The following EXOC4 variants were observed in gnomAD, a reference collection of about 807,000 sequenced individuals.
The protein encoded by EXOC4 is exocyst complex component 4, also known as SEC8-like 1.
EXOC4 carries 71 observed loss-of-function variants against 107.2 expected under a neutral mutation model. The ratio of observed to expected loss-of-function variants is 0.66; its 90% CI spans 0.55 to 0.81. The LOEUF is 0.81. Ranked by LOEUF, EXOC4 falls within the 30% of genes least tolerant of loss-of-function variation. The probability of loss-of-function intolerance (pLI) is 0.00; values close to 1 mark genes in which losing one functional copy is unlikely to be tolerated. For missense variants in EXOC4, 1,108 were observed against 1,189.6 expected (o/e 0.93, Z 1.01); for synonymous variants, 456 against 441.2 (o/e 1.03, Z -0.42).
rs1461392422 is a variant in EXOC4, at chr7:133,817,423, A to G, written c.1613A>G (p.Asn538Ser). Residue 538 changes from asparagine to serine, a missense_variant, in exon 11 of 18, where the codon AAT (asparagine) becomes AGT (serine). Asn to Ser is a conservative substitution (Grantham distance 46, BLOSUM62 1). Coordinates refer to ENST00000253861, the MANE Select transcript of EXOC4 (RefSeq NM_021807.4). The stretch of plus-strand genomic sequence containing the variant: ...GTGTACATCAAAAACATCTTTCTCA[A>G]TCAAGTCTTGGCTGAGATCAACAAG... ...LTVYIKNIFL[N>S]QVLAEINKEI... 6.2e-7 allele frequency: 1 copy of G among 1,613,932 alleles called. No homozygotes were observed. The highest frequency in any genetic ancestry group is 1.7e-5 in the Admixed American group (1 of 60,020).
At chr7:133,404,453 A>T (rs1438177099) in intron 7 of EXOC4, among the ~76,000 whole-genome samples, 1 of 151,852 alleles carries the variant, frequency 6.6e-6, no homozygotes, top group Non-Finnish European at 1.5e-5. Context: ...GACATGGCAC[A>T]CAAGGCCTTC....
At chr7:133,693,506 A>G (rs904053461) in intron 10 of EXOC4, among the ~76,000 whole-genome samples, 1 of 152,142 alleles carries the variant, frequency 6.6e-6, no homozygotes. Flanking sequence ...CCCAGGAACA[A>G]TACTTTGCAT....
At chr7:133,349,869 G>A (rs1795869758) in intron 5 of EXOC4, among the ~76,000 whole-genome samples, 2 of 151,562 alleles carry the variant, frequency 1.3e-5, no homozygotes, top group Non-Finnish European at 2.9e-5. Context: ...GATATTAATA[G>A]TAGCCATCCC....
chr7:133,630,918 A>G (rs1334389388), intron 10 of EXOC4, among the ~76,000 whole-genome samples: 1 of 152,186 alleles, frequency 6.6e-6, no homozygotes, highest in Non-Finnish European at 1.5e-5. Context: ...GTACTTTATG[A>G]GAGTGGAAAA....
At chr7:133,411,624 A>G (rs1797358004) in intron 7 of EXOC4, among the ~76,000 whole-genome samples, 1 of 152,176 alleles carries the variant, frequency 6.6e-6, no homozygotes, top group Non-Finnish European at 1.5e-5. Flanking sequence ...ATGTATCTGT[A>G]GATTTAATCT....
At chr7:133,674,651 G>A (rs1398413252) in intron 10 of EXOC4, among the ~76,000 whole-genome samples, 2 of 152,090 alleles carry the variant, frequency 1.3e-5, no homozygotes, top group African/African-American at 4.8e-5. Context: ...GAGCCTATTA[G>A]CAGCATAGAC....
chr7:133,435,253 CA>C (rs1797942355), intron 7 of EXOC4, among the ~76,000 whole-genome samples: 2 of 152,136 alleles, frequency 1.3e-5, no homozygotes, highest in South Asian at 4.2e-4. Flanking sequence ...AAGGCACGGA[CA>C]ACGTTCCATC....
chr7:133,821,354 T>C (rs1016231612), intron 11 of EXOC4, among the ~76,000 whole-genome samples: 1 of 152,214 alleles, frequency 6.6e-6, no homozygotes, highest in Non-Finnish European at 1.5e-5. Flanking sequence ...ACCCAGGCGA[T>C]GCAACCCTGG....
chr7:133,336,729 T>TTTTATTTTA (rs1563024194), intron 5 of EXOC4, among the ~76,000 whole-genome samples: 85 of 24,734 alleles, frequency 3.4e-3, no homozygotes, highest in African/African-American at 7.8e-3. Flanking sequence ...ATTTTATTTA[T>TTTTATTTTA]TTTATTTTAT....
intron 7 of EXOC4, among the ~76,000 whole-genome samples, chr7:133,377,210 TG>T (rs1796509436): frequency 6.6e-6 from 1 of 151,902 alleles, no homozygotes; most frequent in African/African-American, 2.4e-5. Context: ...AAAAATTAGC[TG>T]GGCGTGGTGG....
chr7:133,601,075 T>G (rs779933433), intron 9 of EXOC4, among the ~76,000 whole-genome samples: 1 of 152,214 alleles, frequency 6.6e-6, no homozygotes, highest in Non-Finnish European at 1.5e-5. Flanking sequence ...GTTGCCCAGC[T>G]TCCCCTTTGT....
intron 14 of EXOC4, among the ~76,000 whole-genome samples, chr7:133,945,268 G>A (rs1800523229): frequency 6.6e-6 from 1 of 152,060 alleles, no homozygotes; most frequent in African/African-American, 2.4e-5. Flanking sequence ...ATATCCCCAG[G>A]CAATTTTAAC....
intron 10 of EXOC4, among the ~76,000 whole-genome samples, chr7:133,644,171 T>G (rs2151027746): frequency 6.6e-6 from 1 of 152,354 alleles, no homozygotes; most frequent in African/African-American, 2.4e-5. Context: ...TTATATAAAT[T>G]AAGTAGGTAT....
intron 6 of EXOC4, among the ~76,000 whole-genome samples, chr7:133,365,538 T>G (rs1315811474): frequency 6.6e-6 from 1 of 152,194 alleles, no homozygotes; most frequent in Non-Finnish European, 1.5e-5. Flanking sequence ...CAGGCCCCAC[T>G]TCAGTATTCT....
At chr7:133,647,655 C>T (rs551175249) in intron 10 of EXOC4, among the ~76,000 whole-genome samples, 2 of 152,134 alleles carry the variant, frequency 1.3e-5, no homozygotes, top group African/African-American at 4.8e-5. Flanking sequence ...CTCAAAGGCT[C>T]GAGGACTCTT....
At chr7:133,411,260 A>G (rs1032476475) in intron 7 of EXOC4, among the ~76,000 whole-genome samples, 2 of 152,218 alleles carry the variant, frequency 1.3e-5, no homozygotes, top group East Asian at 1.9e-4. Flanking sequence ...TTTGTAAAAA[A>G]TAGTTAAACT....
intron 5 of EXOC4, among the ~76,000 whole-genome samples, chr7:133,321,815 G>C (rs1228075420): frequency 2.0e-5 from 3 of 152,140 alleles, no homozygotes; most frequent in Non-Finnish European, 4.4e-5. Context: ...TTCCACAATG[G>C]TTTAACTAAT....
chr7:133,988,023 G>A (rs925704154), intron 14 of EXOC4, among the ~76,000 whole-genome samples: 7 of 152,184 alleles, frequency 4.6e-5, no homozygotes, highest in Non-Finnish European at 1.0e-4. Flanking sequence ...GTCCTAGTCT[G>A]ATTACTTCTC....
intron 10 of EXOC4, among the ~76,000 whole-genome samples, chr7:133,735,901 G>C (rs570546019): frequency 6.6e-6 from 1 of 152,054 alleles, no homozygotes; most frequent in East Asian, 1.9e-4. Flanking sequence ...CTGGGCAACA[G>C]GGCGAAATTC....
Sources: gnomAD v4.1 joint callset for allele counts (sites outside exome capture counted in the v4.1 genomes callset) on GRCh38, gnomAD v4.1.1 for gene constraint, MANE v1.5 for transcripts, NCBI Gene and HGNC (gene_info 2026-07-23, HGNC 2026-07-21) for gene names.